DPYD: variants seen among roughly 807,000 people sequenced by gnomAD.
DPYD encodes dihydropyrimidine dehydrogenase [NADP(+)].
A neutral mutation model predicts 116.2 loss-of-function variants in DPYD; 109 were observed. The observed-to-expected ratio is 0.94, with a 90% CI of 0.80 to 1.10. DPYD has a LOEUF of 1.10. DPYD is among the 50% of genes least tolerant of loss of function. DPYD has a pLI of 0.00. For missense variants in DPYD, 1,302 were observed against 1,254.5 expected (o/e 1.04, Z -0.57); for synonymous variants, 440 against 432.0 (o/e 1.02, Z -0.23).
chr1:97,647,499 CGTGA>C (rs919937401), intron 8 of DPYD, among the ~76,000 whole-genome samples: 31 of 151,764 alleles, frequency 2.0e-4, no homozygotes, highest in African/African-American at 6.8e-4. Context: ...ATTTATCCAG[CGTGA>C]GTGTTTTACT....
At chr1:97,741,973 C>T (rs541798423) in intron 3 of DPYD, among the ~76,000 whole-genome samples, 60 of 151,968 alleles carry the variant, frequency 3.9e-4, no homozygotes, top group South Asian at 3.5e-3. Flanking sequence ...AGGATAATTA[C>T]CCAAGAATAG....
chr1:97,607,070 T>C (rs1655643969), intron 8 of DPYD, among the ~76,000 whole-genome samples: 1 of 151,998 alleles, frequency 6.6e-6, no homozygotes, highest in Non-Finnish European at 1.5e-5. Context: ...CATTCAAAAC[T>C]GTGCCTCCAG....
intron 11 of DPYD, among the ~76,000 whole-genome samples, chr1:97,554,250 C>G (rs533243429): frequency 3.3e-5 from 5 of 152,080 alleles, no homozygotes; most frequent in Admixed American, 1.3e-4. Context: ...AAGAGAAACC[C>G]ACAAGCATAT....
intron 18 of DPYD, among the ~76,000 whole-genome samples, chr1:97,292,407 G>A (rs1239769620): frequency 6.6e-6 from 1 of 152,132 alleles, no homozygotes; most frequent in Non-Finnish European, 1.5e-5. Context: ...GAGAAGCGCA[G>A]AGTGAAGTGG....
chr1:97,216,730 G>A (rs1275697228), intron 19 of DPYD, among the ~76,000 whole-genome samples: 1 of 152,156 alleles, frequency 6.6e-6, no homozygotes, highest in African/African-American at 2.4e-5. Context: ...GGGAGGCAGA[G>A]GTTGCAGTGA....
At position 97,843,623 on chromosome 1, in the gene DPYD, A is replaced by G. The variant is rs146932633; in HGVS notation, c.151-15427T>C. Among the ~76,000 whole-genome samples the G allele has an allele frequency of 1.1e-3, 172 of 152,328 alleles. 1 individual carries two copies. Among genetic ancestry groups the G allele is most frequent in the African/African-American group, 4.0e-3 (165 of 41,592 alleles). On this transcript the variant is annotated intron_variant, in intron 2 of 22. Coordinates refer to ENST00000370192, the MANE Select transcript of DPYD (RefSeq NM_000110.4). Reference sequence around the variant, plus strand: ...TCAGACTGACCTTGTTTGATGGAATACCTAAAGGATACTCATGTTTCTTTC... The same window carrying G: ...TCAGACTGACCTTGTTTGATGGAATGCCTAAAGGATACTCATGTTTCTTTC...
chr1:97,827,723 G>A lies in DPYD; in HGVS notation c.233+391C>T, dbSNP rs1310299088. Among the ~76,000 whole-genome samples the A allele has an allele frequency of 3.9e-5, 6 of 152,054 alleles. No individual in the cohort carries two copies. The East Asian group carries it at 1.2e-3, about 29-fold the overall frequency. On this transcript the variant is annotated intron_variant, in intron 3 of 22. Transcript: ENST00000370192. The stretch of plus-strand genomic sequence containing the variant: ...AATGTTATAGAAGATGAAAATGTAA[G>A]TACCTCTCTTTAAATTAAATATTAA...
intron 16 of DPYD, among the ~76,000 whole-genome samples, chr1:97,361,202 A>G (rs1004253418): frequency 1.3e-5 from 2 of 152,232 alleles, no homozygotes; most frequent in Non-Finnish European, 2.9e-5. Flanking sequence ...TAGAAAATCT[A>G]GAAGAAATGG....
chr1:97,875,763 T>C (rs1468307452), intron 2 of DPYD, among the ~76,000 whole-genome samples: 2 of 151,990 alleles, frequency 1.3e-5, no homozygotes, highest in Non-Finnish European at 2.9e-5. Context: ...ACACGCAAAA[T>C]TATTAAATTT....
chr1:97,580,675 C>T (rs1417470424), intron 10 of DPYD, among the ~76,000 whole-genome samples: 1 of 152,138 alleles, frequency 6.6e-6, no homozygotes, highest in Non-Finnish European at 1.5e-5. Flanking sequence ...AGCAATAACC[C>T]TGCTAAGTCA....
At chr1:97,246,132 A>G (rs1179628683) in intron 18 of DPYD, among the ~76,000 whole-genome samples, 1 of 152,158 alleles carries the variant, frequency 6.6e-6, no homozygotes, top group Non-Finnish European at 1.5e-5. Context: ...CACTTTGAAA[A>G]AGAGAGATCC....
At chr1:97,739,817 T>A (rs889919175) in intron 4 of DPYD, among the ~76,000 whole-genome samples, 2 of 152,050 alleles carry the variant, frequency 1.3e-5, no homozygotes, top group African/African-American at 2.4e-5. Context: ...GGGCTTAGAC[T>A]TACATTGATT....
At chr1:97,164,858 C>T (rs1178118392) in intron 20 of DPYD, among the ~76,000 whole-genome samples, 1 of 149,584 alleles carries the variant, frequency 6.7e-6, no homozygotes, top group East Asian at 2.0e-4. Flanking sequence ...CCCAAAACAA[C>T]GTACAGATTC....
At chr1:97,647,301 T>C (rs764583959) in intron 8 of DPYD, among the ~76,000 whole-genome samples, 1 of 152,088 alleles carries the variant, frequency 6.6e-6, no homozygotes, top group Non-Finnish European at 1.5e-5. Flanking sequence ...CATTTTCTTA[T>C]AAGTAATCTT....
At chr1:97,163,313 TG>T (rs1222999513) in intron 20 of DPYD, among the ~76,000 whole-genome samples, 15 of 151,988 alleles carry the variant, frequency 9.9e-5, no homozygotes, top group African/African-American at 3.6e-4. Context: ...CATCAAAAAG[TG>T]GGTGAAGGAC....
At chr1:97,888,176 AAAC>A (rs1672600648) in intron 1 of DPYD, among the ~76,000 whole-genome samples, 2 of 152,072 alleles carry the variant, frequency 1.3e-5, no homozygotes, top group South Asian at 2.1e-4. Flanking sequence ...ATTTTAACAA[AAAC>A]AACAAGCAGG....
At chr1:97,362,677 A>G (rs1670800832) in intron 16 of DPYD, among the ~76,000 whole-genome samples, 2 of 152,302 alleles carry the variant, frequency 1.3e-5, no homozygotes, top group African/African-American at 4.8e-5. Context: ...ATCTTTGACA[A>G]ACCTGACGAA....
intron 3 of DPYD, among the ~76,000 whole-genome samples, chr1:97,790,718 A>G (rs549026825): frequency 2.0e-5 from 3 of 152,324 alleles, no homozygotes; most frequent in Admixed American, 2.0e-4. Context: ...AGAATTCTTC[A>G]AAAGACTAGG....
chr1:97,192,944 G>T, intron 20 of DPYD, 125 bp downstream of exon 20: 1 of 1,091,534 alleles, frequency 9.2e-7, no homozygotes, highest in Non-Finnish European at 1.4e-6. Context: ...AGAGTCCACT[G>T]AAGAAATCAC....
Sources: allele counts gnomAD v4.1 joint callset (sites outside exome capture counted in the v4.1 genomes callset), GRCh38; gene constraint gnomAD v4.1.1; transcripts MANE v1.5; gene names NCBI Gene and HGNC (gene_info 2026-07-23, HGNC 2026-07-21).